PREX2: variants seen among roughly 807,000 people sequenced by gnomAD.
PREX2 encodes the protein phosphatidylinositol-3,4,5-trisphosphate dependent Rac exchange factor 2.
In PREX2, 107 loss-of-function variants were observed where a neutral mutation model predicts 203.2. That is an observed-to-expected ratio of 0.53 (90% CI 0.45 to 0.62). The LOEUF (loss-of-function observed/expected upper bound fraction) is 0.62. PREX2 is among the 20% of genes least tolerant of loss of function. The pLI, the probability that PREX2 is intolerant of heterozygous loss-of-function variation, is 0.00. For synonymous variants in PREX2, 672 were observed against 663.6 expected (o/e 1.01, Z -0.19); for missense variants, 1,777 against 1,955.9 (o/e 0.91, Z 1.72).
chr8:68,152,509 A>T (rs376268827), intron 34 of PREX2, among the ~76,000 whole-genome samples: 32 of 152,080 alleles, frequency 2.1e-4, no homozygotes, highest in African/African-American at 7.2e-4. Context: ...TTGGAGGAGG[A>T]TGGGAGGTTT....
At chr8:68,058,249 A>G (rs1392815919) in intron 10 of PREX2, among the ~76,000 whole-genome samples, 3 of 152,056 alleles carry the variant, frequency 2.0e-5, no homozygotes, top group Non-Finnish European at 4.4e-5. Flanking sequence ...TCTTTCCCTC[A>G]TTGTAATATG....
chr8:68,093,326 G>A (rs1809941502), intron 20 of PREX2, among the ~76,000 whole-genome samples: 1 of 146,198 alleles, frequency 6.8e-6, no homozygotes, highest in South Asian at 2.2e-4. Context: ...GGAGGCGGAG[G>A]TTTTGGTGAG....
chr8:68,185,792 G>A (rs1387135567), intron 35 of PREX2, among the ~76,000 whole-genome samples: 3 of 133,554 alleles, frequency 2.2e-5, no homozygotes, highest in East Asian at 3.9e-4. Context: ...TTATGACAGT[G>A]AGGCCTGCTG....
chr8:67,988,614 C>T (rs979414011), intron 1 of PREX2, among the ~76,000 whole-genome samples: 4 of 152,232 alleles, frequency 2.6e-5, no homozygotes, highest in Admixed American at 2.6e-4. Context: ...CTTTTCCCAT[C>T]TTCTCTGTTT....
chr8:68,022,463 C>T (rs1252757559), intron 4 of PREX2, among the ~76,000 whole-genome samples: 1 of 152,040 alleles, frequency 6.6e-6, no homozygotes, highest in Non-Finnish European at 1.5e-5. Flanking sequence ...CTTCTGCTGA[C>T]AGAGCTGTAA....
intron 11 of PREX2, among the ~76,000 whole-genome samples, chr8:68,068,621 T>C (rs1585755213): frequency 6.6e-6 from 1 of 152,068 alleles, no homozygotes; most frequent in Non-Finnish European, 1.5e-5. Flanking sequence ...CACAATGCAC[T>C]AGTTTGAGTA....
At position 68,169,354 on chromosome 8, in the gene PREX2, C is replaced by T. The variant is rs888700903; in HGVS notation, c.4346+11918C>T. Among the ~76,000 whole-genome samples, 3 of 151,806 alleles carry T rather than the reference C, an allele frequency of 2.0e-5. No individual in the cohort carries two copies. The East Asian group carries it at 5.8e-4, about 30-fold the overall frequency. ...CAAGAGTGAGGGTCAGAATGCTGGA[C>T]AAGCAAAGTCAATGAATTTCACTAC... On this transcript the variant is annotated intron_variant, in intron 35 of 39. Coordinates refer to ENST00000288368, the MANE Select transcript of PREX2 (RefSeq NM_024870.4).
intron 38 of PREX2, chr8:68,223,481 C>T (rs1370505586): frequency 6.6e-6 from 1 of 152,078 alleles, no homozygotes; most frequent in African/African-American, 2.4e-5. Context: ...TTCTTCCCAC[C>T]TTTCTTTTTG....
At position 68,199,646 on chromosome 8, in the gene PREX2, A is replaced by G. The variant is rs189864092; in HGVS notation, c.4604+7121A>G. Among the ~76,000 whole-genome samples the G allele has an allele frequency of 2.3e-3, 356 of 152,316 alleles. 3 individuals carry two copies. Among genetic ancestry groups the G allele is most frequent in the Middle Eastern group, 6.8e-3 (2 of 294 alleles). ...GGAACAGTTTTTATTTCAAATGAAG[A>G]TGAACAGTATAATGACTCTCACTTC... On this transcript the variant is annotated intron_variant, in intron 37 of 39. Transcript: ENST00000288368.
intron 1 of PREX2, among the ~76,000 whole-genome samples, chr8:67,961,202 A>G (rs1279216633): frequency 6.6e-6 from 1 of 152,020 alleles, no homozygotes. Flanking sequence ...TACCAAATAA[A>G]ATTATTATGT....
chr8:68,083,434 A>T, intron 18 of PREX2, 46 bp downstream of exon 18: 1 of 1,409,992 alleles, frequency 7.1e-7, no homozygotes, highest in Non-Finnish European at 9.8e-7. Context: ...TTATACATAG[A>T]TAAGTAACAC....
intron 1 of PREX2, among the ~76,000 whole-genome samples, chr8:68,012,747 C>A (rs1807301820): frequency 6.6e-6 from 1 of 152,162 alleles, no homozygotes; most frequent in African/African-American, 2.4e-5. Context: ...AGATGCTGCT[C>A]ATATTCTGTA....
chr8:68,016,095 A>G (rs1205358915), intron 1 of PREX2, among the ~76,000 whole-genome samples: 1 of 152,224 alleles, frequency 6.6e-6, no homozygotes, highest in African/African-American at 2.4e-5. Context: ...TTTATTTTAA[A>G]TAGTCTTGTT....
intron 1 of PREX2, among the ~76,000 whole-genome samples, chr8:67,971,321 A>T (rs993206633): frequency 2.0e-5 from 3 of 152,108 alleles, no homozygotes; most frequent in Non-Finnish European, 2.9e-5. Context: ...AGTCAGAAAG[A>T]CTAAATCGGT....
chr8:68,010,210 G>A (rs931739348), intron 1 of PREX2, among the ~76,000 whole-genome samples: 6 of 152,152 alleles, frequency 3.9e-5, no homozygotes, highest in African/African-American at 1.2e-4. Flanking sequence ...CAAACAACTG[G>A]GAGCTAGCCT....
chr8:68,225,835 G>A (rs1037745839), intron 39 of PREX2, among the ~76,000 whole-genome samples: 1 of 152,088 alleles, frequency 6.6e-6, no homozygotes, highest in African/African-American at 2.4e-5. Flanking sequence ...CAGCACCTTG[G>A]GAAGCATGGT....
At chr8:68,013,145 A>G (rs1324991824) in intron 1 of PREX2, among the ~76,000 whole-genome samples, 2 of 152,226 alleles carry the variant, frequency 1.3e-5, no homozygotes, top group Non-Finnish European at 1.5e-5. Flanking sequence ...GGGATATCCC[A>G]GTGAACAAAG....
intron 14 of PREX2, among the ~76,000 whole-genome samples, chr8:68,076,202 A>G (rs4263744): frequency 0.53 from 81,161 of 152,030 alleles, 21,688 homozygotes; most frequent in South Asian, 0.56. Flanking sequence ...CACGCCTGTA[A>G]TCCCAGCACT....
At chr8:68,186,613 A>G (rs1275345548) in intron 35 of PREX2, among the ~76,000 whole-genome samples, 1 of 152,082 alleles carries the variant, frequency 6.6e-6, no homozygotes, top group Non-Finnish European at 1.5e-5. Flanking sequence ...TCCTGGGTTC[A>G]AGCAATTCTC....
Sources: gnomAD v4.1 joint callset for allele counts (sites outside exome capture counted in the v4.1 genomes callset) on GRCh38, gnomAD v4.1.1 for gene constraint, MANE v1.5 for transcripts, NCBI Gene and HGNC (gene_info 2026-07-23, HGNC 2026-07-21) for gene names.